Variants in FAF1 observed in about 807,000 individuals in gnomAD.
FAF1 encodes the protein Fas associated factor 1.
In FAF1, 25 loss-of-function variants were observed where a neutral mutation model predicts 92.5. The ratio of observed to expected loss-of-function variants is 0.27; its 90% CI spans 0.20 to 0.38. The LOEUF (loss-of-function observed/expected upper bound fraction) is 0.38. FAF1 is among the 10% of genes least tolerant of loss of function. The pLI is 1.00. For synonymous variants in FAF1, 234 were observed against 273.2 expected (o/e 0.86, Z 1.42); for missense variants, 636 against 793.3 (o/e 0.80, Z 2.38).
At chr1:50,674,862 ATTTTATTTTATTTTAT>A (rs1375403185) in intron 7 of FAF1, among the ~76,000 whole-genome samples, 2 of 133,812 alleles carry the variant, frequency 1.5e-5, no homozygotes, top group Non-Finnish European at 3.2e-5. Context: ...ACCTTGTACT[ATTTTATTTTATTTTAT>A]TTTATTTTAT....
chr1:50,764,509 C>T (rs1405670154), intron 4 of FAF1, among the ~76,000 whole-genome samples: 1 of 152,288 alleles, frequency 6.6e-6, no homozygotes, highest in South Asian at 2.1e-4. Context: ...TTTAACTCTG[C>T]AGGACCGTTG....
At chr1:50,626,649 G>C (rs114248434) in intron 8 of FAF1, among the ~76,000 whole-genome samples, 1,983 of 152,196 alleles carry the variant, frequency 0.013, 43 homozygotes, top group African/African-American at 0.044. Flanking sequence ...GTCATATTAA[G>C]GGGTCCGGTC....
chr1:50,536,701 C>T (rs550211212), intron 14 of FAF1, among the ~76,000 whole-genome samples: 1 of 152,226 alleles, frequency 6.6e-6, no homozygotes, highest in South Asian at 2.1e-4. Context: ...AGAGTTCTAA[C>T]TCTAATTCCA....
At chr1:50,441,577 T>C in intron 18 of FAF1, 54 bp from the exon 19 acceptor site, 1 of 1,012,456 alleles carries the variant, frequency 9.9e-7, no homozygotes, top group Non-Finnish European at 1.5e-6. Context: ...CTATATTCTC[T>C]ACATGGCCTT....
At chr1:50,683,038 AG>A (rs111708621) in intron 7 of FAF1, among the ~76,000 whole-genome samples, 3,008 of 152,260 alleles carry the variant, frequency 0.02, 99 homozygotes, top group African/African-American at 0.07. Context: ...TCACAAAAAA[AG>A]AAGAAAAAGG....
intron 7 of FAF1, among the ~76,000 whole-genome samples, chr1:50,705,212 T>C (rs1191843716): frequency 1.3e-5 from 2 of 152,182 alleles, no homozygotes; most frequent in Non-Finnish European, 2.9e-5. Context: ...TCTTCTCTCT[T>C]GGGGGAGGTT....
intron 1 of FAF1, among the ~76,000 whole-genome samples, chr1:50,900,767 T>G (rs1178139795): frequency 1.3e-5 from 2 of 152,184 alleles, no homozygotes; most frequent in Admixed American, 1.3e-4. Flanking sequence ...TCATCAGTAC[T>G]AATATATAGT....
At chr1:50,651,551 T>C (rs184721982) in intron 8 of FAF1, among the ~76,000 whole-genome samples, 1 of 152,336 alleles carries the variant, frequency 6.6e-6, no homozygotes, top group East Asian at 1.9e-4. Flanking sequence ...ACCTCACTTT[T>C]AATGACCTTT....
intron 4 of FAF1, among the ~76,000 whole-genome samples, chr1:50,753,503 ATGTAGAAACTACCAAAGTGTTT>A (rs1659953472): frequency 6.6e-6 from 1 of 152,180 alleles, no homozygotes; most frequent in Non-Finnish European, 1.5e-5. Flanking sequence ...TTGAGAACCT[ATGTAGAAACTACCAAAGTGTTT>A]TACAAAGTGG....
intron 8 of FAF1, among the ~76,000 whole-genome samples, chr1:50,640,853 G>C (rs1399756027): frequency 4.2e-4 from 5 of 11,780 alleles, no homozygotes; most frequent in African/African-American, 1.5e-3. Context: ...TTTTTTTTTT[G>C]AGACTGGGTC....
intron 15 of FAF1, among the ~76,000 whole-genome samples, chr1:50,499,383 T>TA (rs1426338223): frequency 1.3e-5 from 2 of 150,964 alleles, no homozygotes; most frequent in Admixed American, 6.6e-5. Flanking sequence ...TTTTTTTTTT[T>TA]AAATAGATGC....
chr1:50,530,471 A>G (rs1476320312), intron 15 of FAF1, among the ~76,000 whole-genome samples: 1 of 151,690 alleles, frequency 6.6e-6, no homozygotes, highest in Non-Finnish European at 1.5e-5. Context: ...CATAGATAGT[A>G]AAAGGATGTT....
intron 7 of FAF1, among the ~76,000 whole-genome samples, chr1:50,691,839 T>C (rs983979575): frequency 1.3e-5 from 2 of 152,224 alleles, no homozygotes; most frequent in Non-Finnish European, 2.9e-5. Flanking sequence ...TTGTTTTAAT[T>C]GACAAATAAT....
At chr1:50,934,549 C>G (rs774454734) in intron 1 of FAF1, among the ~76,000 whole-genome samples, 2 of 151,892 alleles carry the variant, frequency 1.3e-5, no homozygotes, top group Non-Finnish European at 2.9e-5. Flanking sequence ...AAAGTGAGAC[C>G]CCGTCTCTAC....
chr1:50,619,421 C>G (rs1393709969), intron 8 of FAF1, among the ~76,000 whole-genome samples: 1 of 152,198 alleles, frequency 6.6e-6, no homozygotes, highest in Non-Finnish European at 1.5e-5. Context: ...TCTTATAAGG[C>G]TGGTCTATTT....
At chr1:50,821,762 G>A (rs572763556) in intron 2 of FAF1, among the ~76,000 whole-genome samples, 1 of 152,208 alleles carries the variant, frequency 6.6e-6, no homozygotes, top group South Asian at 2.1e-4. Context: ...ACTCAATAAA[G>A]ATGAACTGCT....
rs147213113 is a variant in FAF1, at chr1:50,556,619, T to C, written c.1268+10458A>G. ...GGGAGGCTGAGGTGGACAGATTGCATGAGCTCAGGAATTTGAGACCAGCCT... is the reference window on the plus strand; with the variant it reads ...GGGAGGCTGAGGTGGACAGATTGCACGAGCTCAGGAATTTGAGACCAGCCT... On this transcript the variant is annotated intron_variant, in intron 13 of 18. Transcript: ENST00000396153. Among the ~76,000 whole-genome samples the C allele has an allele frequency of 2.3e-3, 349 of 152,176 alleles. 2 individuals are homozygous for C. Among genetic ancestry groups the C allele is most frequent in the South Asian group, 0.012 (59 of 4,826 alleles).
chr1:50,888,036 T>C (rs572280237), intron 1 of FAF1, among the ~76,000 whole-genome samples: 189 of 152,348 alleles, frequency 1.2e-3, no homozygotes, highest in African/African-American at 4.1e-3. Context: ...CATTTGTTTG[T>C]ATCCTCTTTT....
chr1:50,512,616 A>C (rs1290956478), intron 15 of FAF1, among the ~76,000 whole-genome samples: 2 of 152,202 alleles, frequency 1.3e-5, no homozygotes, highest in African/African-American at 4.8e-5. Context: ...TACCAGTATC[A>C]TGCTGTTTTG....
Sources: allele counts gnomAD v4.1 joint callset (sites outside exome capture counted in the v4.1 genomes callset), GRCh38; gene constraint gnomAD v4.1.1; transcripts MANE v1.5; gene names NCBI Gene and HGNC (gene_info 2026-07-23, HGNC 2026-07-21).